The following CNTN4 variants were observed in gnomAD, a reference collection of about 807,000 sequenced individuals.
The protein encoded by CNTN4 is contactin-4.
In CNTN4, 77 loss-of-function variants were observed where a neutral mutation model predicts 122.5. The observed-to-expected ratio is 0.63, with a 90% CI of 0.52 to 0.76. The LOEUF is 0.76. CNTN4 is among the 30% of genes least tolerant of loss of function. The pLI is 0.00. For missense variants in CNTN4, 1,256 were observed against 1,259.1 expected (o/e 1.00, Z 0.04); for synonymous variants, 512 against 447.0 (o/e 1.15, Z -1.83).
At chr3:2,119,575 A>C (rs1257295386) in intron 2 of CNTN4, among the ~76,000 whole-genome samples, 2 of 152,346 alleles carry the variant, frequency 1.3e-5, no homozygotes, top group East Asian at 3.9e-4. Context: ...AAATGGGAAC[A>C]CAGAAAGTTC....
At chr3:3,010,668 T>C (rs562064441) in intron 14 of CNTN4, among the ~76,000 whole-genome samples, 5 of 152,288 alleles carry the variant, frequency 3.3e-5, no homozygotes, top group African/African-American at 7.2e-5. Flanking sequence ...AATTATGTAC[T>C]ATATAGCCAA....
intron 3 of CNTN4, among the ~76,000 whole-genome samples, chr3:2,548,720 A>G (rs1258356729): frequency 1.3e-5 from 2 of 152,040 alleles, no homozygotes; most frequent in Admixed American, 6.6e-5. Context: ...AAGAAAGTCA[A>G]TGGTAGCTTG....
intron 12 of CNTN4, among the ~76,000 whole-genome samples, chr3:2,909,066 G>A (rs1387668660): frequency 1.3e-5 from 2 of 152,180 alleles, no homozygotes; most frequent in African/African-American, 4.8e-5. Flanking sequence ...TAAACTAAAA[G>A]TTATTTCATA....
At chr3:2,796,957 G>A (rs147181064) in intron 6 of CNTN4, among the ~76,000 whole-genome samples, 178 of 152,190 alleles carry the variant, frequency 1.2e-3, no homozygotes, top group Middle Eastern at 3.4e-3. Context: ...GCTTATAAGA[G>A]TATTCCCAAA....
intron 6 of CNTN4, among the ~76,000 whole-genome samples, chr3:2,778,392 T>A (rs2091435760): frequency 6.6e-6 from 1 of 151,852 alleles, no homozygotes; most frequent in Non-Finnish European, 1.5e-5. Context: ...TAAATTATGT[T>A]CTCAAAACAT....
intron 2 of CNTN4, among the ~76,000 whole-genome samples, chr3:2,208,834 C>G (rs1415103932): frequency 1.3e-5 from 2 of 152,108 alleles, no homozygotes; most frequent in African/African-American, 4.8e-5. Context: ...ACTGAAGGCT[C>G]AGATGATTGT....
chr3:2,588,681 T>G (rs979625925), intron 4 of CNTN4, among the ~76,000 whole-genome samples: 1 of 152,036 alleles, frequency 6.6e-6, no homozygotes, highest in African/African-American at 2.4e-5. Context: ...TAGTACTTTT[T>G]TAGTGCCTGA....
At chr3:2,288,570 T>C (rs2042023434) in intron 2 of CNTN4, among the ~76,000 whole-genome samples, 1 of 152,038 alleles carries the variant, frequency 6.6e-6, no homozygotes, top group African/African-American at 2.4e-5. Context: ...ATCCAAACTA[T>C]AGCAAGAGGA....
At chr3:2,334,755 C>G (rs1489513347) in intron 2 of CNTN4, among the ~76,000 whole-genome samples, 1 of 152,186 alleles carries the variant, frequency 6.6e-6, no homozygotes. Context: ...AAAGAGACCA[C>G]TCTTTGGTCC....
chr3:2,767,120 A>T (rs892513802), intron 6 of CNTN4, among the ~76,000 whole-genome samples: 2 of 152,342 alleles, frequency 1.3e-5, no homozygotes, highest in African/African-American at 4.8e-5. Flanking sequence ...TACCAGGCTA[A>T]TAAGTCATTC....
At chr3:2,340,014 C>T (rs1386361799) in intron 3 of CNTN4, among the ~76,000 whole-genome samples, 2 of 152,184 alleles carry the variant, frequency 1.3e-5, no homozygotes, top group Non-Finnish European at 2.9e-5. Context: ...GTGGCTGTCT[C>T]CCCTATGTGT....
At chr3:2,564,088 C>A (rs764853052) in intron 3 of CNTN4, among the ~76,000 whole-genome samples, 1 of 152,032 alleles carries the variant, frequency 6.6e-6, no homozygotes, top group Non-Finnish European at 1.5e-5. Flanking sequence ...CATAAAAGAA[C>A]TTAGTACATA....
intron 3 of CNTN4, among the ~76,000 whole-genome samples, chr3:2,406,379 C>T (rs1036973723): frequency 2.6e-5 from 4 of 152,146 alleles, no homozygotes; most frequent in African/African-American, 9.7e-5. Context: ...CCAGGCAAAC[C>T]TAACATGAAG....
chr3:2,758,574 G>A (rs114153017), intron 6 of CNTN4, among the ~76,000 whole-genome samples: 3,454 of 139,776 alleles, frequency 0.025, 42 homozygotes, highest in South Asian at 0.048. Flanking sequence ...GTGCAGTGGC[G>A]GGATCTCGGC....
rs146759630 is a variant in CNTN4 at position 2,699,315 on chromosome 3, C to T, written c.56-36900C>T. On this transcript the variant is annotated intron_variant, in intron 4 of 24. Coordinates refer to ENST00000418658, the MANE Select transcript of CNTN4 (RefSeq NM_175607.3). Reference sequence around the variant, plus strand: ...GGTTTCACATCTGACAGTCTGTCTCCTAGGCACCTGGCTGTTCTCCACTCG... The same window carrying T: ...GGTTTCACATCTGACAGTCTGTCTCTTAGGCACCTGGCTGTTCTCCACTCG... Among the ~76,000 whole-genome samples the T allele has an allele frequency of 4.4e-3, 671 of 152,188 alleles. 8 individuals carry two copies. Among genetic ancestry groups the T allele is most frequent in the African/African-American group, 0.015 (637 of 41,528 alleles).
chr3:2,940,247 C>T (rs1452043313), intron 13 of CNTN4, among the ~76,000 whole-genome samples: 2 of 152,156 alleles, frequency 1.3e-5, no homozygotes, highest in Admixed American at 6.5e-5. Context: ...CGGAGAACCA[C>T]GAAATAGGGC....
chr3:2,299,539 G>A (rs2042430679), intron 2 of CNTN4, among the ~76,000 whole-genome samples: 1 of 151,970 alleles, frequency 6.6e-6, no homozygotes, highest in African/African-American at 2.4e-5. Flanking sequence ...TATTATTGAA[G>A]ACTTTTCCCT....
intron 4 of CNTN4, among the ~76,000 whole-genome samples, chr3:2,728,282 CT>C (rs1159630668): frequency 1.3e-5 from 2 of 152,192 alleles, no homozygotes; most frequent in Admixed American, 1.3e-4. Flanking sequence ...CACAGAGATG[CT>C]GCTGATCTTA....
chr3:3,034,579 A>T, intron 16 of CNTN4, 53 bp from the exon 17 acceptor site: 2 of 1,577,410 alleles, frequency 1.3e-6, no homozygotes, highest in Non-Finnish European at 1.7e-6. Context: ...TGGCTCCTTT[A>T]CTTGGGTGTT....
Sources: gnomAD v4.1 joint callset for allele counts (sites outside exome capture counted in the v4.1 genomes callset) on GRCh38, gnomAD v4.1.1 for gene constraint, MANE v1.5 for transcripts, NCBI Gene and HGNC (gene_info 2026-07-23, HGNC 2026-07-21) for gene names.